Variants in SYCP2L observed in about 807,000 individuals in gnomAD.
SYCP2L encodes the protein synaptonemal complex protein 2-like.
SYCP2L carries 98 observed loss-of-function variants against 125.8 expected under a neutral mutation model. The observed-to-expected ratio is 0.78, with a 90% CI of 0.66 to 0.92. SYCP2L has a LOEUF of 0.92. Among genes scored for constraint, SYCP2L ranks in the 40% least tolerant of loss-of-function variants. SYCP2L has a pLI of 0.00. For missense variants in SYCP2L, 842 were observed against 936.4 expected (o/e 0.90, Z 1.32); for synonymous variants, 317 against 325.4 (o/e 0.97, Z 0.28).
chr6:10,968,294 C>G (rs1781712009), intron 29 of SYCP2L, among the ~76,000 whole-genome samples: 1 of 152,188 alleles, frequency 6.6e-6, no homozygotes, highest in South Asian at 2.1e-4. Context: ...GAAGCCAGAG[C>G]TTGAAAACGG....
At chr6:10,930,208 C>G (rs906876808) in intron 18 of SYCP2L, 162 bp from the exon 19 acceptor site, 4 of 629,348 alleles carry the variant, frequency 6.4e-6, no homozygotes, top group East Asian at 3.2e-5. Flanking sequence ...TGGAATAATC[C>G]TTTTCTTCCA....
Position 10,942,750 on chromosome 6 carries a change from A to T in SYCP2L, c.1954+4A>T. The T allele has an allele frequency of 6.3e-7, 1 of 1,596,750 alleles. No individual in the cohort carries two copies. The highest frequency in any genetic ancestry group is 8.5e-7 in the Non-Finnish European group (1 of 1,174,140). On this transcript the variant is annotated splice_donor_region_variant and intron_variant, in intron 23 of 29. Transcript: ENST00000283141. ...CTGAGAAACTTGGAAGACAAAGGTA[A>T]GAGAATAGTACTTTTTTTTTTTTTT...
intron 14 of SYCP2L, among the ~76,000 whole-genome samples, chr6:10,914,502 A>G (rs1780657185): frequency 6.6e-6 from 1 of 152,096 alleles, no homozygotes; most frequent in Non-Finnish European, 1.5e-5. Context: ...TTTTGGTTCC[A>G]TACAAATTTT....
In SYCP2L at chr6:10,912,720, C is replaced by T; in HGVS notation, c.966C>T (p.Phe322=). The change falls in exon 13 of 30, where the codon TTC becomes TTT. Residue 322 remains phenylalanine (F), a synonymous_variant. Coordinates refer to ENST00000283141, the MANE Select transcript of SYCP2L (RefSeq NM_001040274.3). The surrounding 1 kb of genome is among the most constrained non-coding windows in gnomAD (Gnocchi z 4.1). The part of the protein sequence containing the change: ...DEKLEKFWID[F]NLGSQSVTFY... The stretch of plus-strand genomic sequence containing the variant: ...AATTAGAGAAATTTTGGATCGACTT[C>T]AACCTAGGAAGTCAGAGTGTCACTT... 2 of 1,613,758 alleles carry T rather than the reference C, an allele frequency of 1.2e-6. No individual in the cohort carries two copies. Among genetic ancestry groups the T allele is most frequent in the Non-Finnish European group, 1.7e-6 (2 of 1,179,948 alleles).
At chr6:10,957,580 A>AG (rs1386809359) in intron 25 of SYCP2L, among the ~76,000 whole-genome samples, 1 of 152,152 alleles carries the variant, frequency 6.6e-6, no homozygotes, top group East Asian at 1.9e-4. Context: ...TGGGAGGCCA[A>AG]GGGGGGAGAA....
chr6:10,945,010 G>T (rs1198066104), intron 23 of SYCP2L, among the ~76,000 whole-genome samples: 1 of 152,096 alleles, frequency 6.6e-6, no homozygotes, highest in African/African-American at 2.4e-5. Flanking sequence ...CACCGTGCCC[G>T]GCCTAAAATA....
chr6:10,887,865 T>G (rs1780103409), intron 1 of SYCP2L, among the ~76,000 whole-genome samples: 1 of 152,180 alleles, frequency 6.6e-6, no homozygotes, highest in South Asian at 2.1e-4. Flanking sequence ...GGAAACAGAT[T>G]TGGGACAGAA....
chr6:10,938,786 G>T (rs1254687164), intron 21 of SYCP2L, among the ~76,000 whole-genome samples: 1 of 152,174 alleles, frequency 6.6e-6, no homozygotes. Context: ...AAAATCAGTT[G>T]CATTTCTAGA....
chr6:10,921,712 T>G (rs1780802622), intron 14 of SYCP2L, among the ~76,000 whole-genome samples: 1 of 148,526 alleles, frequency 6.7e-6, no homozygotes, highest in African/African-American at 2.4e-5. Flanking sequence ...TTGACCACCT[T>G]TTTTTTTTTT....
intron 1 of SYCP2L, among the ~76,000 whole-genome samples, chr6:10,888,498 C>T (rs1295851612): frequency 1.3e-5 from 2 of 152,128 alleles, no homozygotes; most frequent in African/African-American, 2.4e-5. Context: ...TTCCTACCCA[C>T]AAAAGCTGCC....
At chr6:10,933,439 A>G (rs1214591992) in intron 20 of SYCP2L, among the ~76,000 whole-genome samples, 1 of 152,218 alleles carries the variant, frequency 6.6e-6, no homozygotes, top group Non-Finnish European at 1.5e-5. Context: ...GGCCATCACA[A>G]TGACCAGGAT....
rs907653606 is a variant in SYCP2L, at chr6:10,893,726, A to C, written c.79-141A>C. On this transcript the variant is annotated intron_variant, in intron 2 of 29. Transcript: ENST00000283141. ...ATCATTTGTGAAATGATTGTTTACTATTCAAGATAGAGATCTCCATTCTAT... is the reference window on the plus strand; with the variant it reads ...ATCATTTGTGAAATGATTGTTTACTCTTCAAGATAGAGATCTCCATTCTAT... The C allele has an allele frequency of 7.1e-6, 7 of 986,710 alleles. No individual in the cohort carries two copies. In the Admixed American group the frequency reaches 1.8e-4, roughly 25 times the overall value. 61.1% of individuals were successfully genotyped at this position (986,710 alleles called of 1,614,324 possible).
intron 1 of SYCP2L, among the ~76,000 whole-genome samples, chr6:10,888,476 T>A (rs1780119823): frequency 6.6e-6 from 1 of 152,080 alleles, no homozygotes; most frequent in Non-Finnish European, 1.5e-5. Flanking sequence ...ACTTTCTGAT[T>A]TTCCTGTCAG....
At chr6:10,971,295 A>T (rs1781765400) in intron 29 of SYCP2L, among the ~76,000 whole-genome samples, 1 of 151,820 alleles carries the variant, frequency 6.6e-6, no homozygotes, top group Admixed American at 6.6e-5. Flanking sequence ...CATCTCTACT[A>T]AAAATACAAA....
At chr6:10,972,193 AC>A (rs1781785701) in intron 29 of SYCP2L, among the ~76,000 whole-genome samples, 1 of 152,210 alleles carries the variant, frequency 6.6e-6, no homozygotes, top group Non-Finnish European at 1.5e-5. Context: ...ATATCTTTGT[AC>A]ACATACCTTG....
At chr6:10,949,976 C>T (rs1781382098) in intron 23 of SYCP2L, among the ~76,000 whole-genome samples, 1 of 151,828 alleles carries the variant, frequency 6.6e-6, no homozygotes, top group Admixed American at 6.6e-5. Flanking sequence ...AATCATTTTC[C>T]CCCTTTTCCT....
intron 10 of SYCP2L, 143 bp from the exon 11 acceptor site, chr6:10,910,005 A>G: frequency 1.6e-6 from 1 of 627,222 alleles, no homozygotes; most frequent in Non-Finnish European, 2.7e-6. Flanking sequence ...GTTAACATAT[A>G]ATAACAAATC....
At chr6:10,952,342 G>A (rs1781426054) in intron 23 of SYCP2L, among the ~76,000 whole-genome samples, 1 of 152,154 alleles carries the variant, frequency 6.6e-6, no homozygotes. Context: ...TAAAAGTCTA[G>A]TGATTTCCAT....
chr6:10,945,629 G>T (rs1206087350), intron 23 of SYCP2L, among the ~76,000 whole-genome samples: 1 of 152,050 alleles, frequency 6.6e-6, no homozygotes, highest in African/African-American at 2.4e-5. Context: ...AATTAACCAG[G>T]TGTGATGGTG....
Sources: gnomAD v4.1 joint callset for allele counts (sites outside exome capture counted in the v4.1 genomes callset) on GRCh38, gnomAD v4.1.1 for gene constraint, Gnocchi (gnomAD v3.1) non-coding constraint, MANE v1.5 for transcripts, NCBI Gene and HGNC (gene_info 2026-07-23, HGNC 2026-07-21) for gene names.